ZNF737: variants seen among roughly 807,000 people sequenced by gnomAD.
ZNF737 encodes the protein zinc finger protein 102 (Y3).
ZNF737 carries 13 observed loss-of-function variants against 11.7 expected under a neutral mutation model. That is an observed-to-expected ratio of 1.11 (90% CI 0.73 to 1.77). The LOEUF is 1.77. ZNF737 is among the 40% of genes most tolerant of loss of function. The pLI is 0.00. For synonymous variants in ZNF737, 217 were observed against 216.2 expected (o/e 1.00, Z -0.03); for missense variants, 636 against 638.0 (o/e 1.00, Z 0.03).
chr19:20,551,454 A>G (rs1555758391), intron 3 of ZNF737, among the ~76,000 whole-genome samples: 1 of 151,374 alleles, frequency 6.6e-6, no homozygotes, highest in African/African-American at 2.4e-5. Flanking sequence ...AAAAAAAGAA[A>G]GAAAGAAAGA....
At position 20,545,086 on chromosome 19, in the gene ZNF737, C is replaced by G. The variant is rs1968388640; in HGVS notation, c.1117G>C (p.Glu373Gln). Residue 373 changes from glutamate (E) to glutamine (Q), a missense_variant, in exon 4 of 4, where the codon GAA becomes CAA. Transcript: ENST00000427401. ...GACCAGTTGAAGGCTTTGCCACATT[C>G]TTCACATTTGTAGGGTTTCTCTCCA... Reference protein sequence around the residue: ...HSGEKPYKCEECGKAFNWSSH... With the variant: ...HSGEKPYKCEQCGKAFNWSSH... 6.2e-7 allele frequency: 1 copy of G among 1,612,444 alleles called. No individual in the cohort carries two copies. Among genetic ancestry groups the G allele is most frequent in the African/African-American group, 1.3e-5 (1 of 74,790 alleles).
intron 3 of ZNF737, 115 bp downstream of exon 3, chr19:20,552,360 A>C: frequency 1.7e-6 from 1 of 603,348 alleles, no homozygotes; most frequent in Non-Finnish European, 2.6e-6. Flanking sequence ...AGCTCCCAGG[A>C]ACTATTTTCT....
chr19:20,531,262 G>GGGGAGA (rs1555752816), downstream of ZNF737, among the ~76,000 whole-genome samples: 2 of 135,152 alleles, frequency 1.5e-5, 1 homozygote, highest in East Asian at 4.4e-4. Context: ...AGAGGGGAGA[G>GGGGAGA]GGGAGGGGAG....
Position 20,545,848 on chromosome 19 carries a change from T to G in ZNF737, c.355A>C (p.Ser119Arg). ...TTGTGCACCTTACACTCATCTACAC[T>G]TTCACAGCCCTTTTTAAACTGTAAA... ...DNLQFKKGCE[S>R]VDECKVHKRG... Residue 119 changes from serine (S) to arginine (R), a missense_variant, in exon 4 of 4, where the codon AGT (serine) becomes CGT (arginine). Physicochemically the swap from Ser to Arg is moderately radical, Grantham distance 110. Coordinates refer to ENST00000427401, the MANE Select transcript of ZNF737 (RefSeq NM_001159293.2). 1 of 1,613,606 alleles carries G rather than the reference T, an allele frequency of 6.2e-7. No homozygotes were observed. The highest frequency in any genetic ancestry group is 1.3e-5 in the African/African-American group (1 of 75,036).
rs566360262 is a variant in ZNF737, at chr19:20,542,539, T to A, written c.*2053A>T. 1 of 982,212 alleles carries A rather than the reference T, an allele frequency of 1.0e-6. No homozygotes were observed. The highest frequency in any genetic ancestry group is 1.2e-6 in the Non-Finnish European group (1 of 827,266). The allele number at this position is 982,212 out of a possible 1,614,324, so 60.8% of individuals were successfully genotyped here. A position where few individuals can be genotyped will look rare whatever the true frequency, so the allele number is the denominator to read the frequency against. ...GAGCCATCAAGCCCGGCCCTAACAG[T>A]TTTAAAATGCACTGCATTTTATTAC... is the stretch of plus-strand genomic sequence containing the variant. On this transcript the variant is annotated 3_prime_UTR_variant, in exon 4 of 4. Coordinates refer to ENST00000427401, the MANE Select transcript of ZNF737 (RefSeq NM_001159293.2).
At chr19:20,560,724 G>A (rs1433095491) in intron 1 of ZNF737, among the ~76,000 whole-genome samples, 4 of 149,822 alleles carry the variant, frequency 2.7e-5, no homozygotes, top group Admixed American at 6.6e-5. Context: ...AGGTTGTGGT[G>A]AGCCGAGATC....
In ZNF737 at chr19:20,540,515, C is replaced by T. The variant is rs915916833; in HGVS notation, c.*4077G>A. Reference sequence around the variant, plus strand: ...GTGGCTCATGATTCTAATACCAGCACCGTGGGAGGCTGAAGCAGGCAGATC... The same window carrying T: ...GTGGCTCATGATTCTAATACCAGCATCGTGGGAGGCTGAAGCAGGCAGATC... On this transcript the variant is annotated 3_prime_UTR_variant, in exon 4 of 4. Coordinates refer to ENST00000427401, the MANE Select transcript of ZNF737 (RefSeq NM_001159293.2). Among the ~76,000 whole-genome samples the T allele has an allele frequency of 1.3e-5, 2 of 152,094 alleles. No individual in the cohort carries two copies. Among genetic ancestry groups the T allele is most frequent in the Admixed American group, 6.5e-5 (1 of 15,280 alleles).
chr19:20,549,554 G>A (rs1402535686), intron 3 of ZNF737, among the ~76,000 whole-genome samples: 4 of 151,856 alleles, frequency 2.6e-5, no homozygotes, highest in Admixed American at 6.6e-5. Flanking sequence ...CTTGAACCTC[G>A]GAGGGGTTCA....
At chr19:20,559,530 AAAC>A (rs1479233431) in intron 1 of ZNF737, among the ~76,000 whole-genome samples, 4 of 152,210 alleles carry the variant, frequency 2.6e-5, no homozygotes, top group East Asian at 1.9e-4. Context: ...ATTAAAAGAA[AAAC>A]AACAACGAGA....
At chr19:20,547,217 T>C (rs1968484901) in intron 3 of ZNF737, among the ~76,000 whole-genome samples, 1 of 151,502 alleles carries the variant, frequency 6.6e-6, no homozygotes, top group Non-Finnish European at 1.5e-5. Context: ...CCATCTCTAC[T>C]AAAAATACAA....
intron 1 of ZNF737, 46 bp downstream of exon 1, chr19:20,565,592 A>G: frequency 1.2e-6 from 2 of 1,614,094 alleles, no homozygotes; most frequent in Non-Finnish European, 1.7e-6. Flanking sequence ...CACCGGTTCC[A>G]ACCAGCCTAT....
the ZNF737 span, among the ~76,000 whole-genome samples, chr19:20,530,416 C>A: frequency 4.7e-5 from 7 of 149,542 alleles, 1 homozygote; most frequent in Non-Finnish European, 8.9e-5. Flanking sequence ...GCTGACCCCC[C>A]ACCTCCCTCC....
intron 2 of ZNF737, 63 bp downstream of exon 2, chr19:20,553,646 T>C: frequency 1.3e-6 from 2 of 1,497,652 alleles, no homozygotes; most frequent in Non-Finnish European, 1.8e-6. Context: ...AAAAAAATTC[T>C]ACAAGAGAGA....
At chr19:20,537,073 AGC>A (rs1375979279), downstream of ZNF737, among the ~76,000 whole-genome samples, 2 of 152,190 alleles carry the variant, frequency 1.3e-5, no homozygotes, top group Non-Finnish European at 2.9e-5. Flanking sequence ...ACTGCACTCC[AGC>A]CTGGGTGACA....
rs1968300843 is a variant in ZNF737 at position 20,543,428 on chromosome 19, C to G, written c.*1164G>C. On this transcript the variant is annotated 3_prime_UTR_variant, in exon 4 of 4. Coordinates refer to ENST00000427401, the MANE Select transcript of ZNF737 (RefSeq NM_001159293.2). ...TCTTCACTTTAAAGGCTTATACTTG[C>G]TGAAAGTTTTGACAGTAATTGCCAT... 1.0e-6 allele frequency: 1 copy of G among 986,034 alleles called. No individual in the cohort carries two copies. The highest frequency in any genetic ancestry group is 4.7e-5 in the South Asian group (1 of 21,310). 61.1% of individuals were successfully genotyped at this position (986,034 alleles called of 1,614,324 possible).
At chr19:20,561,351 G>A (rs1183601717) in intron 1 of ZNF737, among the ~76,000 whole-genome samples, 6 of 152,166 alleles carry the variant, frequency 3.9e-5, no homozygotes, top group Non-Finnish European at 5.9e-5. Context: ...GGTCCTGAGG[G>A]TGGTGCCTAC....
chr19:20,560,556 T>C (rs1160157173), intron 1 of ZNF737, among the ~76,000 whole-genome samples: 2 of 151,944 alleles, frequency 1.3e-5, no homozygotes, highest in African/African-American at 4.8e-5. Context: ...CAATGTAGGT[T>C]GATCACTTGA....
chr19:20,543,413 A>G lies in ZNF737; in HGVS notation c.*1179T>C. ...CACAATAAATACTCTTCTTCACTTTAAAGGCTTATACTTGCTGAAAGTTTT... is the reference window on the plus strand; with the variant it reads ...CACAATAAATACTCTTCTTCACTTTGAAGGCTTATACTTGCTGAAAGTTTT... On this transcript the variant is annotated 3_prime_UTR_variant, in exon 4 of 4. Transcript: ENST00000427401. The G allele has an allele frequency of 2.0e-6, 2 of 986,418 alleles. No individual in the cohort carries two copies. The highest frequency in any genetic ancestry group is 2.4e-6 in the Non-Finnish European group (2 of 829,646). 61.1% of individuals were successfully genotyped at this position (986,418 alleles called of 1,614,324 possible).
rs910263091 is a variant in ZNF737 at position 20,543,790 on chromosome 19, C to A, written c.*802G>T. The A allele has an allele frequency of 3.0e-6, 3 of 985,230 alleles. No homozygotes were observed. Among genetic ancestry groups the A allele is most frequent in the Non-Finnish European group, 3.6e-6 (3 of 829,918 alleles). 61.0% of individuals were successfully genotyped at this position (985,230 alleles called of 1,614,324 possible). On this transcript the variant is annotated 3_prime_UTR_variant, in exon 4 of 4. Transcript: ENST00000427401. Reference sequence around the variant, plus strand: ...AGCAATGTCACATTTTTTAGCTTTGCGGATTTCCTCTTCAACATGAATTAT... The same window carrying A: ...AGCAATGTCACATTTTTTAGCTTTGAGGATTTCCTCTTCAACATGAATTAT...
Sources: allele counts gnomAD v4.1 joint callset (sites outside exome capture counted in the v4.1 genomes callset), GRCh38; gene constraint gnomAD v4.1.1; transcripts MANE v1.5; gene names NCBI Gene and HGNC (gene_info 2026-07-23, HGNC 2026-07-21).